Variants in SORCS1 observed in about 807,000 individuals in gnomAD.
The protein encoded by SORCS1 is sortilin related VPS10 domain containing receptor 1, also known as VPS10 domain-containing receptor SorCS1.
A neutral mutation model predicts 146.1 loss-of-function variants in SORCS1; 60 were observed. That is an observed-to-expected ratio of 0.41 (90% CI 0.33 to 0.51). The LOEUF is 0.51. Ranked by LOEUF, SORCS1 falls within the 20% of genes least tolerant of loss-of-function variation. The probability of loss-of-function intolerance (pLI) is 0.21; values close to 1 mark genes in which losing one functional copy is unlikely to be tolerated. For synonymous variants in SORCS1, 637 were observed against 584.0 expected (o/e 1.09, Z -1.31); for missense variants, 1,352 against 1,487.6 (o/e 0.91, Z 1.50).
chr10:106,596,191 A>G (rs1298765670), intron 24 of SORCS1, among the ~76,000 whole-genome samples: 1 of 152,156 alleles, frequency 6.6e-6, no homozygotes, highest in Admixed American at 6.5e-5. Context: ...GCATTTATGC[A>G]GTTTGCTCAC....
intron 2 of SORCS1, among the ~76,000 whole-genome samples, chr10:106,854,819 GTGTA>G (rs1404681257): frequency 6.6e-6 from 1 of 152,030 alleles, no homozygotes; most frequent in Non-Finnish European, 1.5e-5. Context: ...ATACCTAAGT[GTGTA>G]TGTGTGTGTG....
intron 1 of SORCS1, among the ~76,000 whole-genome samples, chr10:107,103,075 A>C (rs138522419): frequency 6.6e-6 from 1 of 152,330 alleles, no homozygotes; most frequent in African/African-American, 2.4e-5. Context: ...CCATAGTCAC[A>C]ATAAACTCAG....
chr10:106,757,060 A>C (rs1858701991), intron 5 of SORCS1, among the ~76,000 whole-genome samples: 1 of 152,178 alleles, frequency 6.6e-6, no homozygotes. Flanking sequence ...CTTTGTGTGC[A>C]GTAGGGTCTT....
At chr10:106,900,096 A>G (rs1471219521) in intron 2 of SORCS1, among the ~76,000 whole-genome samples, 1 of 152,052 alleles carries the variant, frequency 6.6e-6, no homozygotes, top group East Asian at 1.9e-4. Flanking sequence ...ACCGCACACT[A>G]AATAGGCATA....
At chr10:106,742,907 A>G (rs1857461142) in intron 5 of SORCS1, among the ~76,000 whole-genome samples, 2 of 152,260 alleles carry the variant, frequency 1.3e-5, no homozygotes, top group Non-Finnish European at 2.9e-5. Flanking sequence ...TCTGAGTATA[A>G]GGTGTGAAGG....
intron 24 of SORCS1, among the ~76,000 whole-genome samples, chr10:106,580,662 A>G (rs1844849856): frequency 6.6e-6 from 1 of 152,160 alleles, no homozygotes; most frequent in Non-Finnish European, 1.5e-5. Context: ...CCGAGAGGGC[A>G]ACATTCTAAT....
chr10:106,610,585 C>T (rs1173467240), intron 22 of SORCS1, among the ~76,000 whole-genome samples: 1 of 152,126 alleles, frequency 6.6e-6, no homozygotes, highest in Admixed American at 6.5e-5. Flanking sequence ...TATCTGAATG[C>T]CTTTATTTCA....
chr10:106,658,133 G>A (rs568817162), intron 17 of SORCS1, among the ~76,000 whole-genome samples: 1 of 151,988 alleles, frequency 6.6e-6, no homozygotes, highest in Non-Finnish European at 1.5e-5. Flanking sequence ...TTATTCTAAA[G>A]AGTAAAGTTC....
chr10:107,104,731 T>C (rs1965184855), intron 1 of SORCS1, among the ~76,000 whole-genome samples: 1 of 152,212 alleles, frequency 6.6e-6, no homozygotes, highest in Non-Finnish European at 1.5e-5. Flanking sequence ...CTGCCATCCT[T>C]TACCAAATTC....
chr10:107,135,453 T>C (rs1311237599), intron 1 of SORCS1, among the ~76,000 whole-genome samples: 1 of 152,170 alleles, frequency 6.6e-6, no homozygotes, highest in Non-Finnish European at 1.5e-5. Flanking sequence ...AGAAAAAATA[T>C]ACCCAGACAA....
chr10:106,974,137 A>G (rs906034846), intron 1 of SORCS1, among the ~76,000 whole-genome samples: 7 of 152,164 alleles, frequency 4.6e-5, no homozygotes, highest in African/African-American at 1.7e-4. Flanking sequence ...ACTGTTATTT[A>G]TTTTATGATT....
At chr10:106,578,196 C>A (rs1844681477) in intron 25 of SORCS1, 1 of 152,060 alleles carries the variant, frequency 6.6e-6, no homozygotes, top group Admixed American at 6.6e-5. Context: ...ACAGGAGGAA[C>A]CAGACAGAGA....
At chr10:106,959,457 A>G (rs1337511296) in intron 1 of SORCS1, among the ~76,000 whole-genome samples, 1 of 152,184 alleles carries the variant, frequency 6.6e-6, no homozygotes, top group Non-Finnish European at 1.5e-5. Flanking sequence ...CTGAACAACG[A>G]TGCATCCTTA....
intron 2 of SORCS1, among the ~76,000 whole-genome samples, chr10:106,887,771 T>C (rs1951056553): frequency 6.6e-6 from 1 of 152,222 alleles, no homozygotes; most frequent in Admixed American, 6.5e-5. Flanking sequence ...TTTCTTAAGC[T>C]ACATTCTGTA....
chr10:107,021,830 C>G (rs1188420997), intron 1 of SORCS1, among the ~76,000 whole-genome samples: 1 of 152,096 alleles, frequency 6.6e-6, no homozygotes, highest in East Asian at 1.9e-4. Flanking sequence ...CCACATTTTG[C>G]TTTGGTTTAA....
chr10:106,643,614 C>A (rs1200983563), intron 18 of SORCS1, among the ~76,000 whole-genome samples: 14 of 152,240 alleles, frequency 9.2e-5, no homozygotes, highest in Non-Finnish European at 1.9e-4. Context: ...CAGATTTCAT[C>A]CCTGCTGTTG....
chr10:106,761,583 C>G lies in SORCS1; in HGVS notation c.959+5G>C. ...TAATGTGCTACAAGATAAAGTGAGA[C>G]TTACCAGTAGAACCTGTTTGGTACA... On this transcript the variant is annotated splice_donor_5th_base_variant and intron_variant, in intron 5 of 25. Transcript: ENST00000263054. 1 of 1,613,580 alleles carries G rather than the reference C, an allele frequency of 6.2e-7. No individual in the cohort carries two copies. The highest frequency in any genetic ancestry group is 8.5e-7 in the Non-Finnish European group (1 of 1,179,468).
At chr10:106,709,132 G>A (rs1180767524) in intron 7 of SORCS1, 91 bp downstream of exon 7, 1 of 904,338 alleles carries the variant, frequency 1.1e-6, no homozygotes, top group African/African-American at 1.7e-5. Context: ...CTCTCTTTTT[G>A]ACTCTTAATG....
intron 2 of SORCS1, among the ~76,000 whole-genome samples, chr10:106,865,402 A>G (rs1950191464): frequency 1.3e-5 from 2 of 152,142 alleles, no homozygotes; most frequent in Non-Finnish European, 2.9e-5. Context: ...CGGACCCCCA[A>G]CATACCACAC....
Sources: gnomAD v4.1 joint callset for allele counts (sites outside exome capture counted in the v4.1 genomes callset) on GRCh38, gnomAD v4.1.1 for gene constraint, MANE v1.5 for transcripts, NCBI Gene and HGNC (gene_info 2026-07-23, HGNC 2026-07-21) for gene names.